STXBP5L: variants seen among roughly 807,000 people sequenced by gnomAD.
STXBP5L encodes syntaxin-binding protein 5-like.
Under a neutral mutation model 144.5 loss-of-function variants are expected in STXBP5L, and 65 were observed. The observed-to-expected ratio is 0.45, with a 90% CI of 0.37 to 0.55. The LOEUF (loss-of-function observed/expected upper bound fraction) is 0.55. Ranked by LOEUF, STXBP5L falls within the 20% of genes least tolerant of loss-of-function variation. The pLI, the probability that STXBP5L is intolerant of heterozygous loss-of-function variation, is 0.00. For missense variants in STXBP5L, 1,298 were observed against 1,405.5 expected (o/e 0.92, Z 1.22); for synonymous variants, 505 against 469.6 (o/e 1.08, Z -0.97).
intron 7 of STXBP5L, among the ~76,000 whole-genome samples, chr3:121,141,923 A>G (rs2107942976): frequency 6.6e-6 from 1 of 152,268 alleles, no homozygotes; most frequent in African/African-American, 2.4e-5. Flanking sequence ...TTAAATGTTA[A>G]TAAATTGATC....
chr3:121,020,174 A>G (rs1945443623), intron 3 of STXBP5L, among the ~76,000 whole-genome samples: 1 of 152,224 alleles, frequency 6.6e-6, no homozygotes, highest in African/African-American at 2.4e-5. Flanking sequence ...TAGAAGAAAG[A>G]ACTTCAGAAC....
chr3:121,039,348 GAATGGTATAATAGTAAA>G (rs1413271396), intron 3 of STXBP5L, among the ~76,000 whole-genome samples: 2 of 151,734 alleles, frequency 1.3e-5, no homozygotes, highest in East Asian at 3.8e-4. Flanking sequence ...ACTACTTTAT[GAATGGTATAATAGTAAA>G]GTTTCTATTT....
At chr3:121,386,596 G>A (rs138837135) in intron 22 of STXBP5L, among the ~76,000 whole-genome samples, 9 of 151,746 alleles carry the variant, frequency 5.9e-5, no homozygotes, top group Middle Eastern at 3.4e-3. Context: ...TGTTCCCTGC[G>A]CTGTGTCCAA....
chr3:121,192,163 C>A lies in STXBP5L; in HGVS notation c.878-13760C>A, dbSNP rs547981640. Among the ~76,000 whole-genome samples, 16 of 152,278 alleles carry A rather than the reference C, an allele frequency of 1.1e-4. No individual in the cohort carries two copies. The East Asian group carries it at 2.5e-3, about 24-fold the overall frequency. The stretch of plus-strand genomic sequence containing the variant: ...AAAATCAATGTGCAAAAATCACAAC[C>A]ATTCTTATACACCAATAACAGACAG... On this transcript the variant is annotated intron_variant, in intron 9 of 26. Coordinates refer to ENST00000471454, the MANE Select transcript of STXBP5L (RefSeq NM_001308330.2).
At chr3:121,359,433 T>A (rs560942050) in intron 20 of STXBP5L, among the ~76,000 whole-genome samples, 5 of 152,258 alleles carry the variant, frequency 3.3e-5, no homozygotes, top group African/African-American at 9.6e-5. Flanking sequence ...GATTGTATCC[T>A]TTGCTGTGCT....
chr3:121,218,491 T>C (rs373399354), intron 10 of STXBP5L, among the ~76,000 whole-genome samples: 5 of 151,420 alleles, frequency 3.3e-5, no homozygotes, highest in South Asian at 2.1e-4. Flanking sequence ...ATTCTAGCAG[T>C]AGAGGCAAGG....
chr3:120,908,679 C>G (rs1445901324), intron 1 of STXBP5L, among the ~76,000 whole-genome samples: 1 of 151,168 alleles, frequency 6.6e-6, no homozygotes, highest in Non-Finnish European at 1.5e-5. Flanking sequence ...TGAGGCGGGA[C>G]TCGGGCCGCA....
intron 20 of STXBP5L, among the ~76,000 whole-genome samples, chr3:121,321,360 C>A (rs191256318): frequency 2.8e-4 from 43 of 152,182 alleles, no homozygotes; most frequent in African/African-American, 1.0e-3. Flanking sequence ...TGGAAATAAT[C>A]ACAATATTTA....
intron 9 of STXBP5L, among the ~76,000 whole-genome samples, chr3:121,202,953 T>TA (rs907907667): frequency 6.6e-6 from 1 of 151,996 alleles, no homozygotes; most frequent in Non-Finnish European, 1.5e-5. Flanking sequence ...ACCATTATTT[T>TA]AAAAAATGTT....
At chr3:120,967,454 G>A (rs780774092) in intron 3 of STXBP5L, among the ~76,000 whole-genome samples, 23 of 152,168 alleles carry the variant, frequency 1.5e-4, no homozygotes, top group Non-Finnish European at 2.9e-4. Flanking sequence ...CTAGAGTAGC[G>A]CTAAGCTGCT....
intron 20 of STXBP5L, among the ~76,000 whole-genome samples, chr3:121,361,378 TC>T (rs992492736): frequency 9.9e-5 from 15 of 152,180 alleles, no homozygotes; most frequent in Admixed American, 8.5e-4. Context: ...GAATAAAACT[TC>T]TACTCCTATC....
intron 20 of STXBP5L, among the ~76,000 whole-genome samples, chr3:121,363,008 A>G (rs1387645674): frequency 6.6e-6 from 1 of 152,102 alleles, no homozygotes; most frequent in African/African-American, 2.4e-5. Flanking sequence ...TTTCTGGCCC[A>G]GGTGATGTTA....
intron 9 of STXBP5L, among the ~76,000 whole-genome samples, chr3:121,184,582 C>A (rs1157845740): frequency 6.6e-6 from 1 of 152,048 alleles, no homozygotes. Context: ...ACCAAATCTA[C>A]ATTTGATTGG....
At chr3:121,339,361 A>T (rs769881115) in intron 20 of STXBP5L, among the ~76,000 whole-genome samples, 3 of 152,024 alleles carry the variant, frequency 2.0e-5, no homozygotes, top group Non-Finnish European at 4.4e-5. Flanking sequence ...TGGATAAAAT[A>T]CAGCATCCTT....
At chr3:121,096,513 AT>A (rs1268322172) in intron 5 of STXBP5L, among the ~76,000 whole-genome samples, 2 of 151,856 alleles carry the variant, frequency 1.3e-5, no homozygotes, top group East Asian at 3.9e-4. Context: ...TTGGTCCTTG[AT>A]TTTGGTTACC....
rs959387234 is a variant in STXBP5L at position 121,076,165 on chromosome 3, A to G, written c.470+30630A>G. Among the ~76,000 whole-genome samples the G allele has an allele frequency of 2.6e-5, 4 of 152,262 alleles. No homozygotes were observed. The East Asian group carries it at 7.7e-4, about 29-fold the overall frequency. Reference sequence around the variant, plus strand: ...CTGTGTTTCTCGGAGGGGCACCTGCATTGCTTGGGCATGGCCCGACCTAAG... The same window carrying G: ...CTGTGTTTCTCGGAGGGGCACCTGCGTTGCTTGGGCATGGCCCGACCTAAG... On this transcript the variant is annotated intron_variant, in intron 5 of 26. Coordinates refer to ENST00000471454, the MANE Select transcript of STXBP5L (RefSeq NM_001308330.2).
intron 3 of STXBP5L, among the ~76,000 whole-genome samples, chr3:120,985,992 T>C (rs767522236): frequency 2.1e-4 from 32 of 151,952 alleles, no homozygotes; most frequent in Non-Finnish European, 3.8e-4. Flanking sequence ...TCTAGTTCCT[T>C]ATGTTATAAA....
At position 121,391,947 on chromosome 3, in the gene STXBP5L, A is replaced by T. The variant is rs540685894; in HGVS notation, c.2587+10415A>T. ...CCACTGCTCTCTTCAGAGCTATCAG[A>T]CAGGGACGTTTAAGTCTGCAGAAGT... On this transcript the variant is annotated intron_variant, in intron 22 of 26. Transcript: ENST00000471454. 1.1e-3 allele frequency among the ~76,000 whole-genome samples: 174 copies of T among 152,306 alleles called. 1 individual carries two copies. In the Middle Eastern group the frequency reaches 0.014, roughly 12 times the overall value.
At chr3:121,286,332 A>C (rs1021364668) in intron 19 of STXBP5L, among the ~76,000 whole-genome samples, 2 of 152,220 alleles carry the variant, frequency 1.3e-5, no homozygotes, top group Non-Finnish European at 2.9e-5. Flanking sequence ...ATGGAGAAGT[A>C]AACAAAAAAT....
Sources: allele counts gnomAD v4.1 joint callset (sites outside exome capture counted in the v4.1 genomes callset), GRCh38; gene constraint gnomAD v4.1.1; transcripts MANE v1.5; gene names NCBI Gene and HGNC (gene_info 2026-07-23, HGNC 2026-07-21).